The following TTC28 variants were observed in gnomAD, a reference collection of about 807,000 sequenced individuals.
TTC28 encodes the protein tetratricopeptide repeat protein 28.
Under a neutral mutation model 198.0 loss-of-function variants are expected in TTC28, and 61 were observed. The ratio of observed to expected loss-of-function variants is 0.31; its 90% CI spans 0.25 to 0.38. The LOEUF (loss-of-function observed/expected upper bound fraction) is 0.38. Ranked by LOEUF, TTC28 falls within the 10% of genes least tolerant of loss-of-function variation. The probability of loss-of-function intolerance (pLI) is 1.00; values close to 1 mark genes in which losing one functional copy is unlikely to be tolerated. For missense variants in TTC28, 2,678 were observed against 3,164.0 expected (o/e 0.85, Z 3.69); for synonymous variants, 1,171 against 1,297.8 (o/e 0.90, Z 2.10).
At chr22:28,303,279 A>G (rs912187555) in intron 3 of TTC28, among the ~76,000 whole-genome samples, 1 of 152,254 alleles carries the variant, frequency 6.6e-6, no homozygotes, top group Non-Finnish European at 1.5e-5. Flanking sequence ...GATACAATAA[A>G]CTGAAATTGC....
chr22:28,194,084 C>A (rs958260696), intron 5 of TTC28, among the ~76,000 whole-genome samples: 3 of 151,672 alleles, frequency 2.0e-5, no homozygotes, highest in African/African-American at 4.8e-5. Flanking sequence ...ATAACAAACT[C>A]TCAGACCACA....
chr22:28,562,297 G>A (rs1480329106), intron 2 of TTC28, among the ~76,000 whole-genome samples: 1 of 152,146 alleles, frequency 6.6e-6, no homozygotes, highest in Non-Finnish European at 1.5e-5. Context: ...CTCCATTATA[G>A]ATGCTTTCAA....
intron 5 of TTC28, among the ~76,000 whole-genome samples, chr22:28,263,538 TTTC>T (rs1306806250): frequency 6.6e-6 from 1 of 152,146 alleles, no homozygotes; most frequent in African/African-American, 2.4e-5. Context: ...CTGATGCAGT[TTTC>T]TTTTCATTTC....
At chr22:28,306,832 A>G (rs1446297548) in intron 2 of TTC28, among the ~76,000 whole-genome samples, 189 bp from the exon 3 acceptor site, 1 of 152,220 alleles carries the variant, frequency 6.6e-6, no homozygotes, top group Admixed American at 6.5e-5. Context: ...GGCAACTTCT[A>G]TTTAAAATTT....
chr22:28,550,148 G>A (rs1342868494), intron 2 of TTC28, among the ~76,000 whole-genome samples: 1 of 151,892 alleles, frequency 6.6e-6, no homozygotes, highest in African/African-American at 2.4e-5. Flanking sequence ...TCCTCACTAC[G>A]TCCCTGAAAA....
chr22:28,457,666 A>G (rs942118526), intron 2 of TTC28, among the ~76,000 whole-genome samples: 3 of 152,216 alleles, frequency 2.0e-5, no homozygotes, highest in Non-Finnish European at 2.9e-5. Flanking sequence ...ATCAAATCAA[A>G]TAGTACCATA....
At chr22:28,190,979 T>C (rs1924683102) in intron 5 of TTC28, among the ~76,000 whole-genome samples, 2 of 152,192 alleles carry the variant, frequency 1.3e-5, no homozygotes, top group Non-Finnish European at 2.9e-5. Context: ...TCTGAACCTT[T>C]GATGACTTCC....
At chr22:28,578,580 A>G (rs1397119148) in intron 2 of TTC28, among the ~76,000 whole-genome samples, 2 of 152,188 alleles carry the variant, frequency 1.3e-5, no homozygotes, top group South Asian at 2.1e-4. Context: ...CACCTTTATA[A>G]GAACCAAAAA....
intron 2 of TTC28, among the ~76,000 whole-genome samples, chr22:28,554,888 G>C (rs2049762991): frequency 6.6e-6 from 1 of 151,968 alleles, no homozygotes; most frequent in Non-Finnish European, 1.5e-5. Flanking sequence ...GAAAAAAAAA[G>C]AAAGAAATAA....
intron 5 of TTC28, among the ~76,000 whole-genome samples, chr22:28,168,574 G>C (rs1398188378): frequency 6.6e-6 from 1 of 151,802 alleles, no homozygotes; most frequent in African/African-American, 2.4e-5. Flanking sequence ...AATGGGGAAA[G>C]GATTCCCTAT....
chr22:28,332,763 A>C (rs2045637373), intron 2 of TTC28, among the ~76,000 whole-genome samples: 1 of 152,138 alleles, frequency 6.6e-6, no homozygotes, highest in Admixed American at 6.5e-5. Context: ...TTTCCTTTGC[A>C]AGATATCTTT....
intron 5 of TTC28, among the ~76,000 whole-genome samples, chr22:28,170,591 T>A (rs183557174): frequency 6.6e-6 from 1 of 152,232 alleles, no homozygotes; most frequent in Non-Finnish European, 1.5e-5. Context: ...TTTGCACTCC[T>A]GGGAATATCT....
At chr22:28,451,952 A>G (rs1295033149) in intron 2 of TTC28, among the ~76,000 whole-genome samples, 1 of 152,150 alleles carries the variant, frequency 6.6e-6, no homozygotes, top group African/African-American at 2.4e-5. Context: ...ACAGCTTTGA[A>G]GTTATTAACT....
chr22:28,165,548 T>A (rs1255796544), intron 5 of TTC28, among the ~76,000 whole-genome samples: 1 of 152,118 alleles, frequency 6.6e-6, no homozygotes, highest in Non-Finnish European at 1.5e-5. Context: ...AAAAGAATTT[T>A]CAACCCAGAA....
At chr22:28,461,068 C>T (rs2047943201) in intron 2 of TTC28, among the ~76,000 whole-genome samples, 1 of 152,164 alleles carries the variant, frequency 6.6e-6, no homozygotes, top group Non-Finnish European at 1.5e-5. Flanking sequence ...CTACGGTCTG[C>T]CTCTGAAAAA....
chr22:28,396,248 T>G (rs1203730369), intron 2 of TTC28, among the ~76,000 whole-genome samples: 1 of 152,180 alleles, frequency 6.6e-6, no homozygotes, highest in Non-Finnish European at 1.5e-5. Flanking sequence ...CAGAAGAGAT[T>G]GCACTAGTTC....
At chr22:28,193,556 C>A (rs1417803627) in intron 5 of TTC28, among the ~76,000 whole-genome samples, 2 of 152,028 alleles carry the variant, frequency 1.3e-5, no homozygotes, top group Admixed American at 6.6e-5. Flanking sequence ...CACGTGCAGA[C>A]ACACACATAA....
chr22:28,114,851 A>T (rs564720066), intron 6 of TTC28, among the ~76,000 whole-genome samples: 1 of 152,314 alleles, frequency 6.6e-6, no homozygotes, highest in Non-Finnish European at 1.5e-5. Context: ...CTCCTAAAGC[A>T]CTGGGATTGC....
Position 27,997,149 on chromosome 22 carries a change from A to G in TTC28, c.5120-890T>C, listed in dbSNP as rs917451240. 2.8e-4 allele frequency among the ~76,000 whole-genome samples: 42 copies of G among 152,184 alleles called. 1 individual carries two copies. The highest frequency in any genetic ancestry group is 7.3e-5 in the Non-Finnish European group (5 of 68,030). Reference sequence around the variant, plus strand: ...AATGGAAACCACAGGGGTCACCTCTACTTTCTGCGTCTCCTAAGCGCAGGA... The same window carrying G: ...AATGGAAACCACAGGGGTCACCTCTGCTTTCTGCGTCTCCTAAGCGCAGGA... On this transcript the variant is annotated intron_variant, in intron 16 of 22. Transcript: ENST00000397906.
Sources: gnomAD v4.1 joint callset for allele counts (sites outside exome capture counted in the v4.1 genomes callset) on GRCh38, gnomAD v4.1.1 for gene constraint, MANE v1.5 for transcripts, NCBI Gene and HGNC (gene_info 2026-07-23, HGNC 2026-07-21) for gene names.